The following ABHD18 variants were observed in gnomAD, a reference collection of about 807,000 sequenced individuals.
ABHD18 encodes abhydrolase domain containing 18.
Under a neutral mutation model 65.9 loss-of-function variants are expected in ABHD18, and 55 were observed. That is an observed-to-expected ratio of 0.84 (90% CI 0.67 to 1.05). The LOEUF (loss-of-function observed/expected upper bound fraction) is 1.05, where lower values mean the gene tolerates loss of function less well. Among genes scored for constraint, ABHD18 ranks in the 50% least tolerant of loss-of-function variants. The pLI, the probability that ABHD18 is intolerant of heterozygous loss-of-function variation, is 0.00. For missense variants in ABHD18, 533 were observed against 558.5 expected, an observed-to-expected ratio of 0.95 and a Z score of 0.46; for synonymous variants, 181 against 180.2, an observed-to-expected ratio of 1.00 and a Z score of -0.04.
chr4:127,999,820 G>A (rs1752364822), intron 4 of ABHD18, among the ~76,000 whole-genome samples: 2 of 152,022 alleles, frequency 1.3e-5, no homozygotes, highest in East Asian at 1.9e-4. Flanking sequence ...TTTTCTTTAT[G>A]TTGCAGTTGT....
intron 4 of ABHD18, among the ~76,000 whole-genome samples, chr4:128,006,900 C>T (rs1262257564): frequency 6.6e-6 from 1 of 152,144 alleles, no homozygotes; most frequent in Non-Finnish European, 1.5e-5. Flanking sequence ...TTCGGGGCAA[C>T]ATAAGGAGAC....
intron 4 of ABHD18, among the ~76,000 whole-genome samples, chr4:127,995,539 T>A (rs1182013776): frequency 6.6e-6 from 1 of 152,212 alleles, no homozygotes. Context: ...TGTTAAACTT[T>A]AAAATTAAAT....
chr4:127,985,871 G>T (rs1338908515), intron 3 of ABHD18, among the ~76,000 whole-genome samples: 2 of 152,064 alleles, frequency 1.3e-5, no homozygotes, highest in Admixed American at 1.3e-4. Flanking sequence ...GCTGGGCATG[G>T]TGGCACATAC....
rs1026031042 is a variant in ABHD18, at chr4:128,036,519, T to G, written c.*706T>G. The G allele has an allele frequency of 2.0e-5, 3 of 151,934 alleles. No homozygotes were observed. Among genetic ancestry groups the G allele is most frequent in the Non-Finnish European group, 4.4e-5 (3 of 68,080 alleles). 9.4% of individuals were successfully genotyped at this position (151,934 alleles called of 1,614,324 possible). Reference sequence around the variant, plus strand: ...GCTGAAGCGGGCAGATTACCTGAGGTTGGGAGTTCAAGACCAGCCTGACCA... The same window carrying G: ...GCTGAAGCGGGCAGATTACCTGAGGGTGGGAGTTCAAGACCAGCCTGACCA... On this transcript the variant is annotated 3_prime_UTR_variant, in exon 13 of 13. Coordinates refer to ENST00000645843, the MANE Select transcript of ABHD18 (RefSeq NM_001358451.3).
intron 4 of ABHD18, among the ~76,000 whole-genome samples, chr4:128,005,822 C>T (rs1396157285): frequency 6.6e-6 from 1 of 152,104 alleles, no homozygotes; most frequent in Non-Finnish European, 1.5e-5. Context: ...AGGATACTTC[C>T]CTTATCTCAT....
At chr4:128,020,884 A>C (rs1287607844) in intron 9 of ABHD18, among the ~76,000 whole-genome samples, 1 of 152,080 alleles carries the variant, frequency 6.6e-6, no homozygotes, top group African/African-American at 2.4e-5. Context: ...AAATACAAAA[A>C]TTAGCTGGGC....
chr4:128,017,282 C>A, intron 7 of ABHD18, 81 bp from the exon 8 acceptor site: 2 of 1,350,516 alleles, frequency 1.5e-6, no homozygotes, highest in Non-Finnish European at 2.1e-6. Flanking sequence ...TGCATGAAGT[C>A]TGGCAGCCTG....
At chr4:128,008,167 C>T (rs2149130056) in intron 4 of ABHD18, among the ~76,000 whole-genome samples, 1 of 149,104 alleles carries the variant, frequency 6.7e-6, no homozygotes, top group East Asian at 2.1e-4. Context: ...GAGGCTGAGG[C>T]AGGAGAAGCA....
intron 6 of ABHD18, among the ~76,000 whole-genome samples, chr4:128,010,525 C>CAA (rs879334783): frequency 4.2e-4 from 51 of 120,906 alleles, no homozygotes; most frequent in African/African-American, 1.3e-3. Flanking sequence ...GAAACTGTGT[C>CAA]AAAAAAAAAA....
At chr4:127,986,770 T>C (rs1006809369) in intron 3 of ABHD18, among the ~76,000 whole-genome samples, 18 of 152,206 alleles carry the variant, frequency 1.2e-4, no homozygotes, top group African/African-American at 4.3e-4. Context: ...TTCCTTGTGG[T>C]TCTGGCTATG....
intron 11 of ABHD18, 68 bp from the exon 12 acceptor site, chr4:128,030,442 A>G: frequency 9.2e-7 from 1 of 1,090,330 alleles, no homozygotes; most frequent in African/African-American, 1.6e-5. Context: ...TGTTTTATTT[A>G]CTGCATTGTG....
At chr4:128,035,263 A>G (rs1758758373) in intron 12 of ABHD18, among the ~76,000 whole-genome samples, 1 of 152,168 alleles carries the variant, frequency 6.6e-6, no homozygotes, top group African/African-American at 2.4e-5. Flanking sequence ...AGAAAAAGAT[A>G]ATGCTTTTAG....
At chr4:128,012,935 A>G (rs1754821494) in intron 7 of ABHD18, among the ~76,000 whole-genome samples, 1 of 151,664 alleles carries the variant, frequency 6.6e-6, no homozygotes, top group Admixed American at 6.6e-5. Flanking sequence ...GCATGGTGGT[A>G]TGCACCTGTA....
chr4:127,977,034 C>T (rs1303085401), intron 1 of ABHD18, among the ~76,000 whole-genome samples: 1 of 151,850 alleles, frequency 6.6e-6, no homozygotes, highest in East Asian at 1.9e-4. Flanking sequence ...GAGCGACACT[C>T]CATCTCAGAG....
intron 3 of ABHD18, among the ~76,000 whole-genome samples, chr4:127,985,289 C>G (rs560295151): frequency 6.6e-6 from 1 of 151,964 alleles, no homozygotes; most frequent in South Asian, 2.1e-4. Flanking sequence ...TAATTGCATA[C>G]TTGGAGGTAT....
intron 1 of ABHD18, among the ~76,000 whole-genome samples, chr4:127,967,879 A>C (rs937439334): frequency 6.6e-6 from 1 of 152,128 alleles, no homozygotes; most frequent in African/African-American, 2.4e-5. Flanking sequence ...ATGAGACTCC[A>C]TTTGGTGCAT....
At chr4:127,995,167 A>G (rs571166879) in intron 4 of ABHD18, among the ~76,000 whole-genome samples, 1 of 152,246 alleles carries the variant, frequency 6.6e-6, no homozygotes, top group Non-Finnish European at 1.5e-5. Context: ...GGCGTGAGCC[A>G]CTTGGCCCGG....
At chr4:128,008,290 G>C (rs1306964100) in intron 4 of ABHD18, among the ~76,000 whole-genome samples, 1 of 8,682 alleles carries the variant, frequency 1.2e-4, no homozygotes, top group African/African-American at 4.7e-4. Flanking sequence ...TTTTTTTTTT[G>C]AGACGGAGTC....
intron 4 of ABHD18, 71 bp downstream of exon 4, chr4:127,989,892 GTTATTTGAAA>G: frequency 1.1e-6 from 1 of 948,326 alleles, no homozygotes; most frequent in East Asian, 2.7e-5. Flanking sequence ...TCAACACTAT[GTTATTTGAAA>G]TTAGGAGTAA....
Sources: allele counts gnomAD v4.1 joint callset (sites outside exome capture counted in the v4.1 genomes callset), GRCh38; gene constraint gnomAD v4.1.1; transcripts MANE v1.5; gene names NCBI Gene and HGNC (gene_info 2026-07-23, HGNC 2026-07-21).